Variants in ENAM observed in about 807,000 individuals in gnomAD.
ENAM encodes the protein enamelin.
Under a neutral mutation model 33.6 loss-of-function variants are expected in ENAM, and 21 were observed. That is an observed-to-expected ratio of 0.63 (90% CI 0.44 to 0.90). ENAM has a LOEUF of 0.90. ENAM is among the 40% of genes least tolerant of loss of function. The pLI is 0.00. For missense variants in ENAM, 1,388 were observed against 1,366.9 expected (o/e 1.02, Z -0.24); for synonymous variants, 473 against 468.4 (o/e 1.01, Z -0.13).
intron 2 of ENAM, among the ~76,000 whole-genome samples, chr4:70,631,446 C>T (rs762117235): frequency 8.5e-5 from 13 of 152,048 alleles, no homozygotes; most frequent in Admixed American, 3.9e-4. Flanking sequence ...CTCTCACGCA[C>T]ACACACTTAT....
chr4:70,640,935 G>T (rs143420500), intron 8 of ENAM, among the ~76,000 whole-genome samples: 26 of 152,246 alleles, frequency 1.7e-4, no homozygotes, highest in South Asian at 6.2e-4. Flanking sequence ...ATACTCTGAC[G>T]GCAGTGCAGA....
chr4:70,630,232 G>A (rs1365973350), intron 2 of ENAM, among the ~76,000 whole-genome samples: 4 of 152,106 alleles, frequency 2.6e-5, no homozygotes, highest in Non-Finnish European at 4.4e-5. Context: ...CACAATTTAG[G>A]AAAATGTCCA....
At chr4:70,635,810 C>T in intron 6 of ENAM, 22 bp from the exon 7 acceptor site, 1 of 1,501,474 alleles carries the variant, frequency 6.7e-7, no homozygotes, top group South Asian at 1.1e-5. Flanking sequence ...CCACATCACT[C>T]TGATTCTTTC....
Position 70,642,118 on chromosome 4 carries a change from A to G in ENAM, c.692A>G (p.Asp231Gly). Residue 231 changes from aspartate to glycine, a missense_variant, in exon 9 of 9, where the codon GAT becomes GGT. Transcript: ENST00000396073. ...EQDFEKPKEE[D>G]PPKAESPGTE... Reference sequence around the variant, plus strand: ...GATTTTGAAAAACCCAAAGAAGAAGATCCTCCTAAAGCAGAAAGTCCAGGC... The same window carrying G: ...GATTTTGAAAAACCCAAAGAAGAAGGTCCTCCTAAAGCAGAAAGTCCAGGC... The G allele has an allele frequency of 6.2e-7, 1 of 1,614,150 alleles. No homozygotes were observed. The highest frequency in any genetic ancestry group is 8.5e-7 in the Non-Finnish European group (1 of 1,179,972).
At chr4:70,634,261 G>A in intron 5 of ENAM, 47 bp from the exon 6 acceptor site, 3 of 1,595,738 alleles carry the variant, frequency 1.9e-6, no homozygotes, top group Non-Finnish European at 2.6e-6. Context: ...GAGACAGCCT[G>A]AATCACAGCT....
In ENAM at chr4:70,646,092, G is replaced by A. The variant is rs956973294; in HGVS notation, c.*1237G>A. 1 of 151,402 alleles carries A rather than the reference G, an allele frequency of 6.6e-6. No individual in the cohort carries two copies. Among genetic ancestry groups the A allele is most frequent in the Admixed American group, 6.6e-5 (1 of 15,206 alleles). 9.4% of individuals were successfully genotyped at this position (151,402 alleles called of 1,614,324 possible). On this transcript the variant is annotated 3_prime_UTR_variant, in exon 9 of 9. Transcript: ENST00000396073. ...TTTTTTTTACTAGTTCAGCATAAGGGATTCTACCAGTATGTGCTACTACTA... is the reference window on the plus strand; with the variant it reads ...TTTTTTTTACTAGTTCAGCATAAGGAATTCTACCAGTATGTGCTACTACTA...
At chr4:70,636,359 G>A (rs1738452398) in intron 7 of ENAM, among the ~76,000 whole-genome samples, 1 of 152,140 alleles carries the variant, frequency 6.6e-6, no homozygotes, top group African/African-American at 2.4e-5. Context: ...TTGGGGCTGG[G>A]CAAGGTGGCT....
At chr4:70,640,048 T>C (rs1347130850) in intron 8 of ENAM, among the ~76,000 whole-genome samples, 1 of 152,218 alleles carries the variant, frequency 6.6e-6, no homozygotes, top group Non-Finnish European at 1.5e-5. Context: ...AAAAATCAAA[T>C]GATCTAAATG....
intron 6 of ENAM, 48 bp downstream of exon 6, chr4:70,634,616 G>T (rs1179384418): frequency 3.2e-6 from 5 of 1,579,244 alleles, no homozygotes; most frequent in Non-Finnish European, 4.4e-6. Context: ...GCCTCGGAGA[G>T]ATTTGGAGGG....
Position 70,629,405 on chromosome 4 carries a change from T to C in ENAM, c.-60-36T>C, listed in dbSNP as rs146402422. The C allele has an allele frequency of 1.5e-3, 1,374 of 910,994 alleles. 15 individuals are homozygous for C. The African/African-American group carries it at 0.02, about 13-fold the overall frequency. The allele number at this position is 910,994 out of a possible 1,614,324, so 56.4% of individuals were successfully genotyped here. ...CTGCCTTAGAACTGAAGCTTTGCTA[T>C]TCATTTCATTTATTTGTTCCATTTC... On this transcript the variant is annotated intron_variant, in intron 1 of 8. Coordinates refer to ENST00000396073, the MANE Select transcript of ENAM (RefSeq NM_031889.3).
rs779539694 is a variant in ENAM at position 70,642,810 on chromosome 4, C to G, written c.1384C>G (p.Gln462Glu). The G allele has an allele frequency of 1.6e-5, 26 of 1,613,998 alleles. No homozygotes were observed. Among genetic ancestry groups the G allele is most frequent in the Non-Finnish European group, 2.2e-5 (26 of 1,179,954 alleles). Reference protein sequence around the residue: ...KNPTSPWRNSQQYEVNKSNYK... With the variant: ...KNPTSPWRNSEQYEVNKSNYK... ...TCCAACCAGCCCCTGGAGAAACTCT[C>G]AACAGTATGAAGTTAATAAATCAAA... Residue 462 changes from glutamine (Q) to glutamate (E), a missense_variant, in exon 9 of 9, where the codon CAA (glutamine) becomes GAA (glutamate). Gln to Glu is a conservative substitution (Grantham distance 29). Coordinates refer to ENST00000396073, the MANE Select transcript of ENAM (RefSeq NM_031889.3).
chr4:70,633,837 C>T (rs1738383467), intron 5 of ENAM, among the ~76,000 whole-genome samples: 1 of 152,170 alleles, frequency 6.6e-6, no homozygotes, highest in Admixed American at 6.5e-5. Context: ...TGTGTTTACA[C>T]AGACTGAATT....
At position 70,644,308 on chromosome 4, in the gene ENAM, A is replaced by C; in HGVS notation, c.2882A>C (p.Lys961Thr). The change falls in exon 9 of 9, where the codon AAG (lysine) becomes ACG (threonine). Residue 961 changes from lysine (K) to threonine (T), a missense_variant. Coordinates refer to ENST00000396073, the MANE Select transcript of ENAM (RefSeq NM_031889.3). The stretch of plus-strand genomic sequence containing the variant: ...AGGAGGAACACACCATGTTCTATAA[A>C]GAATCAACTGGGCCAAAAGGAAATT... ...TLRRNTPCSI[K>T]NQLGQKEIMP... 5 of 1,614,252 alleles carry C rather than the reference A, an allele frequency of 3.1e-6. No homozygotes were observed. The highest frequency in any genetic ancestry group is 4.2e-6 in the Non-Finnish European group (5 of 1,180,036).
rs1401233056 is a variant in ENAM, at chr4:70,642,093, G to A, written c.667G>A (p.Asp223Asn). ...PYYSEEMFEQ[D>N]FEKPKEEDPP... Reference sequence around the variant, plus strand: ...TTATTCAGAAGAAATGTTTGAACAAGATTTTGAAAAACCCAAAGAAGAAGA... The same window carrying A: ...TTATTCAGAAGAAATGTTTGAACAAAATTTTGAAAAACCCAAAGAAGAAGA... The change falls in exon 9 of 9, where the codon GAT becomes AAT. Residue 223 changes from aspartate (D) to asparagine (N), a missense_variant. By Grantham distance (23) the Asp-to-Asn change is conservative. Coordinates refer to ENST00000396073, the MANE Select transcript of ENAM (RefSeq NM_031889.3). 1 of 1,614,074 alleles carries A rather than the reference G, an allele frequency of 6.2e-7. No homozygotes were observed. The highest frequency in any genetic ancestry group is 2.2e-5 in the East Asian group (1 of 44,890).
intron 2 of ENAM, 47 bp from the exon 3 acceptor site, chr4:70,631,623 C>A: frequency 7.4e-7 from 1 of 1,358,820 alleles, no homozygotes. Context: ...GTGCCCTAAG[C>A]ATACTTATTT....
At chr4:70,641,199 G>T (rs1436040497) in intron 8 of ENAM, among the ~76,000 whole-genome samples, 1 of 152,134 alleles carries the variant, frequency 6.6e-6, no homozygotes, top group African/African-American at 2.4e-5. Flanking sequence ...AGTTCTGGGT[G>T]CATTCAGTTG....
In ENAM at chr4:70,643,386, G is replaced by A; in HGVS notation, c.1960G>A (p.Glu654Lys). 1 of 1,614,084 alleles carries A rather than the reference G, an allele frequency of 6.2e-7. No individual in the cohort carries two copies. The highest frequency in any genetic ancestry group is 8.5e-7 in the Non-Finnish European group (1 of 1,179,974). The change falls in exon 9 of 9, where the codon GAG becomes AAG. Residue 654 changes from glutamate (E) to lysine (K), a missense_variant. Physicochemically the swap from Glu to Lys is moderately conservative, Grantham distance 56. Transcript: ENST00000396073. ...DQKEIVPYNE[E>K]DPVDPTGDEV... ...GAAGGAGATAGTCCCTTATAATGAA[G>A]AGGACCCAGTTGATCCAACTGGAGA...
chr4:70,642,359 A>C lies in ENAM; in HGVS notation c.933A>C (p.Pro311=). Residue 311 remains proline (P), a synonymous_variant, in exon 9 of 9, where the codon CCA becomes CCC. Transcript: ENST00000396073. ...GGPGSQIPWR[P]SQPNIRENHP... The stretch of plus-strand genomic sequence containing the variant: ...CAGGAAGTCAAATCCCATGGAGACC[A>C]AGTCAGCCAAATATTCGTGAAAATC... The C allele has an allele frequency of 1.2e-6, 2 of 1,614,218 alleles. No homozygotes were observed. Among genetic ancestry groups the C allele is most frequent in the Non-Finnish European group, 1.7e-6 (2 of 1,180,032 alleles).
intron 6 of ENAM, 59 bp downstream of exon 6, chr4:70,634,627 C>T: frequency 1.3e-6 from 2 of 1,499,762 alleles, no homozygotes; most frequent in Non-Finnish European, 9.3e-7. Flanking sequence ...ATTTGGAGGG[C>T]CATGCCACCC....
Sources: gnomAD v4.1 joint callset for allele counts (sites outside exome capture counted in the v4.1 genomes callset) on GRCh38, gnomAD v4.1.1 for gene constraint, MANE v1.5 for transcripts, NCBI Gene and HGNC (gene_info 2026-07-23, HGNC 2026-07-21) for gene names.